The following MYO1D variants were observed in gnomAD, a reference collection of about 807,000 sequenced individuals.
MYO1D encodes the protein myosin ID.
MYO1D carries 83 observed loss-of-function variants against 122.0 expected under a neutral mutation model. The observed-to-expected ratio is 0.68, with a 90% confidence interval of 0.57 to 0.82. The LOEUF is 0.82. Ranked by LOEUF, MYO1D falls within the 40% of genes least tolerant of loss-of-function variation. MYO1D has a pLI of 0.00. For synonymous variants in MYO1D, 464 were observed against 446.9 expected, an observed-to-expected ratio of 1.04 and a Z score of -0.48; for missense variants, 1,157 against 1,269.5, an observed-to-expected ratio of 0.91 and a Z score of 1.35.
intron 1 of MYO1D, among the ~76,000 whole-genome samples, chr17:32,808,000 T>C (rs1282475880): frequency 6.6e-6 from 1 of 152,220 alleles, no homozygotes; most frequent in Non-Finnish European, 1.5e-5. Flanking sequence ...GTGGTTGCTA[T>C]TGTTACTATA....
intron 21 of MYO1D, among the ~76,000 whole-genome samples, chr17:32,509,055 A>C (rs1909596163): frequency 6.6e-6 from 1 of 152,228 alleles, no homozygotes; most frequent in African/African-American, 2.4e-5. Flanking sequence ...CAACTGGGAG[A>C]CATGAGGCTG....
At chr17:32,697,771 T>C (rs1007218286) in intron 16 of MYO1D, among the ~76,000 whole-genome samples, 2 of 152,242 alleles carry the variant, frequency 1.3e-5, no homozygotes, top group Admixed American at 1.3e-4. Flanking sequence ...TGACAGTGAA[T>C]AACTCAGAAG....
intron 7 of MYO1D, 48 bp from the exon 8 acceptor site, chr17:32,765,129 G>A: frequency 6.8e-7 from 1 of 1,461,408 alleles, no homozygotes. Flanking sequence ...ATTATGTCAA[G>A]GATATATTTG....
At chr17:32,844,410 TGTG>T in intron 1 of MYO1D, among the ~76,000 whole-genome samples, 1 of 147,078 alleles carries the variant, frequency 6.8e-6, no homozygotes, top group East Asian at 1.9e-4. Flanking sequence ...TATGTATATA[TGTG>T]TATATATACT....
rs185624924 is a variant in MYO1D, at chr17:32,644,659, C to T, written c.2596-5824G>A. On this transcript the variant is annotated intron_variant, in intron 19 of 21. Transcript: ENST00000318217. Reference sequence around the variant, plus strand: ...CTTCTTGTTGAATTGATCCCTTTACCATTATGTAGTGGCCTTCTTTGTCTC... The same window carrying T: ...CTTCTTGTTGAATTGATCCCTTTACTATTATGTAGTGGCCTTCTTTGTCTC... Among the ~76,000 whole-genome samples, 26 of 152,226 alleles carry T rather than the reference C, an allele frequency of 1.7e-4. No individual in the cohort carries two copies. In the East Asian group the frequency reaches 4.6e-3, roughly 27 times the overall value.
At chr17:32,791,450 G>A (rs568549122) in intron 1 of MYO1D, among the ~76,000 whole-genome samples, 15 of 150,688 alleles carry the variant, frequency 1.0e-4, no homozygotes, top group Admixed American at 5.9e-4. Flanking sequence ...CCAGAATTGC[G>A]TCAAAATTAC....
intron 21 of MYO1D, among the ~76,000 whole-genome samples, chr17:32,551,556 C>CCACACACACACA (rs56031542): frequency 2.0e-5 from 3 of 150,342 alleles, no homozygotes; most frequent in African/African-American, 7.3e-5. Context: ...CATCCCACTG[C>CCACACACACACA]CACACACACA....
chr17:32,765,750 G>A (rs926456924), intron 7 of MYO1D, among the ~76,000 whole-genome samples: 14 of 152,058 alleles, frequency 9.2e-5, no homozygotes, highest in African/African-American at 2.2e-4. Flanking sequence ...GAGCCACCGC[G>A]CCTGGCCTTT....
intron 1 of MYO1D, among the ~76,000 whole-genome samples, chr17:32,809,589 C>T (rs775035963): frequency 6.6e-6 from 1 of 152,138 alleles, no homozygotes; most frequent in Non-Finnish European, 1.5e-5. Context: ...CAGGCATGTG[C>T]CACTATGCCT....
chr17:32,836,130 A>G (rs1182176560), intron 1 of MYO1D, among the ~76,000 whole-genome samples: 1 of 152,230 alleles, frequency 6.6e-6, no homozygotes, highest in East Asian at 1.9e-4. Flanking sequence ...CTCCAACCAT[A>G]TGATATATTC....
chr17:32,853,635 A>G (rs563949100), intron 1 of MYO1D, among the ~76,000 whole-genome samples: 89 of 152,186 alleles, frequency 5.8e-4, no homozygotes, highest in Non-Finnish European at 1.1e-3. Context: ...CAAGGGAAGG[A>G]TTCTATTCAT....
intron 1 of MYO1D, among the ~76,000 whole-genome samples, chr17:32,800,863 A>C (rs1197245123): frequency 1.3e-5 from 2 of 152,166 alleles, no homozygotes; most frequent in Non-Finnish European, 1.5e-5. Context: ...GCGTGCCACA[A>C]CACCAGCTAA....
chr17:32,522,081 C>CAAAA (rs35096680), intron 21 of MYO1D, among the ~76,000 whole-genome samples: 8 of 63,244 alleles, frequency 1.3e-4, no homozygotes, highest in Admixed American at 2.4e-4. Flanking sequence ...GACTCTGTCT[C>CAAAA]AAAAAAAAAA....
At chr17:32,565,454 C>T (rs2087164118) in intron 21 of MYO1D, among the ~76,000 whole-genome samples, 1 of 152,332 alleles carries the variant, frequency 6.6e-6, no homozygotes, top group Admixed American at 6.5e-5. Flanking sequence ...GGAGATATGA[C>T]CTGGTGAAAG....
At chr17:32,501,008 C>CA (rs548406349) in intron 21 of MYO1D, among the ~76,000 whole-genome samples, 4,260 of 94,180 alleles carry the variant, frequency 0.045, 169 homozygotes, top group African/African-American at 0.15. Flanking sequence ...GACTCCATCT[C>CA]AAAAAAAAAA....
chr17:32,644,139 G>T (rs2088249797), intron 19 of MYO1D, among the ~76,000 whole-genome samples: 1 of 152,062 alleles, frequency 6.6e-6, no homozygotes, highest in Non-Finnish European at 1.5e-5. Context: ...TGGTTTCAAA[G>T]AACATCTTTA....
intron 1 of MYO1D, among the ~76,000 whole-genome samples, chr17:32,841,102 G>C (rs2090875703): frequency 6.6e-6 from 1 of 152,130 alleles, no homozygotes; most frequent in Admixed American, 6.6e-5. Flanking sequence ...TACGATGTTT[G>C]GTAGGTTAAG....
At chr17:32,596,347 G>A (rs1262774473) in intron 21 of MYO1D, among the ~76,000 whole-genome samples, 1 of 152,222 alleles carries the variant, frequency 6.6e-6, no homozygotes, top group African/African-American at 2.4e-5. Flanking sequence ...TGCAGCAGAA[G>A]GCGTGAGCAG....
At chr17:32,740,864 G>A (rs2089764059) in intron 13 of MYO1D, among the ~76,000 whole-genome samples, 1 of 152,132 alleles carries the variant, frequency 6.6e-6, no homozygotes, top group East Asian at 1.9e-4. Flanking sequence ...GACCCAGTAT[G>A]TATAATAGGT....
Sources: allele counts gnomAD v4.1 joint callset (sites outside exome capture counted in the v4.1 genomes callset), GRCh38; gene constraint gnomAD v4.1.1; transcripts MANE v1.5; gene names NCBI Gene and HGNC (gene_info 2026-07-23, HGNC 2026-07-21).